EML5: variants seen among roughly 807,000 people sequenced by gnomAD.
EML5 encodes the protein echinoderm microtubule-associated protein-like 5.
In EML5, 120 loss-of-function variants were observed where a neutral mutation model predicts 250.0. The observed-to-expected ratio is 0.48, with a 90% CI of 0.41 to 0.56. EML5 has a LOEUF of 0.56. Ranked by LOEUF, EML5 falls within the 20% of genes least tolerant of loss-of-function variation. EML5 has a pLI of 0.00. For synonymous variants in EML5, 771 were observed against 806.5 expected, an observed-to-expected ratio of 0.96 and a Z score of 0.75; for missense variants, 2,006 against 2,437.6, an observed-to-expected ratio of 0.82 and a Z score of 3.73.
intron 41 of EML5, 105 bp downstream of exon 41, chr14:88,618,123 A>AC (rs950184203): frequency 2.0e-5 from 17 of 847,790 alleles, no homozygotes; most frequent in Non-Finnish European, 7.2e-6. Context: ...AAAACTTGAA[A>AC]CTCAATTACT....
At chr14:88,627,382 A>G (rs1393607284) in intron 34 of EML5, 1 of 478,068 alleles carries the variant, frequency 2.1e-6, no homozygotes, top group Admixed American at 3.8e-5. Flanking sequence ...TAATAAATAC[A>G]TAGTTTCTTG....
chr14:88,768,601 G>A (rs911364737), intron 1 of EML5, among the ~76,000 whole-genome samples: 3 of 151,996 alleles, frequency 2.0e-5, no homozygotes, highest in Admixed American at 1.3e-4. Flanking sequence ...TAGTACAGAC[G>A]GGGTTCCACC....
rs1273238299 is a variant in EML5 at position 88,702,428 on chromosome 14, T to C, written c.2238+18A>G. 3.2e-6 allele frequency: 5 copies of C among 1,583,460 alleles called. No homozygotes were observed. The highest frequency in any genetic ancestry group is 4.3e-6 in the Non-Finnish European group (5 of 1,165,990). On this transcript the variant is annotated intron_variant, in intron 14 of 43. Transcript: ENST00000554922. ...AAGGTGTAGCTTATCTGGCTTATTG[T>C]CAGTCTTTCAAACCTACCTGGCCTG... is the stretch of plus-strand genomic sequence containing the variant.
At chr14:88,745,539 T>C (rs1329001518) in intron 3 of EML5, among the ~76,000 whole-genome samples, 2 of 152,178 alleles carry the variant, frequency 1.3e-5, no homozygotes, top group African/African-American at 4.8e-5. Context: ...AATGTAATAG[T>C]AATACGTAAT....
chr14:88,685,006 T>G lies in EML5; in HGVS notation c.2982+9A>C. The G allele has an allele frequency of 1.3e-6, 2 of 1,591,492 alleles. No individual in the cohort carries two copies. Among genetic ancestry groups the G allele is most frequent in the Non-Finnish European group, 1.7e-6 (2 of 1,170,972 alleles). On this transcript the variant is annotated intron_variant, in intron 20 of 43. Coordinates refer to ENST00000554922, the MANE Select transcript of EML5 (RefSeq NM_183387.3). ...AAAGAAAAAAAAACAAATTAGCATTTAAAATTACCTGAACCAGAAGTGTTA... is the reference window on the plus strand; with the variant it reads ...AAAGAAAAAAAAACAAATTAGCATTGAAAATTACCTGAACCAGAAGTGTTA...
Position 88,717,756 on chromosome 14 carries a change from AAACAACAAC to A in EML5, c.1188-2570_1188-2562del, listed in dbSNP as rs147401940. Among the ~76,000 whole-genome samples, 22 of 150,892 alleles carry A rather than the reference AAACAACAAC, an allele frequency of 1.5e-4. No individual in the cohort carries two copies. In the South Asian group the frequency reaches 1.9e-3, roughly 13 times the overall value. ...GGTGACAGGGCGAGACTCCGTCTCAAAACAACAACAACAACAACAACAACAACAACAAAA... is the reference window on the plus strand; with the variant it reads ...GGTGACAGGGCGAGACTCCGTCTCAAAACAACAACAACAACAACAACAAAA... On this transcript the variant is annotated intron_variant, in intron 8 of 43. Coordinates refer to ENST00000554922, the MANE Select transcript of EML5 (RefSeq NM_183387.3).
rs1290306113 is a variant in EML5 at position 88,614,554 on chromosome 14, A to G, written c.*1264T>C. The G allele has an allele frequency of 6.6e-6, 1 of 152,234 alleles. No homozygotes were observed. The highest frequency in any genetic ancestry group is 2.4e-5 in the African/African-American group (1 of 41,464). The allele number at this position is 152,234 out of a possible 1,614,324, so 9.4% of individuals were successfully genotyped here. A position where few individuals can be genotyped will look rare whatever the true frequency, so the allele number is the denominator to read the frequency against. On this transcript the variant is annotated 3_prime_UTR_variant, in exon 44 of 44. Transcript: ENST00000554922. ...AGCGATCTATTATGCTATAAAGATA[A>G]TTAACACATTAAAAACTCATAGGGT...
At chr14:88,702,373 A>G in intron 14 of EML5, 73 bp downstream of exon 14, 2 of 1,144,504 alleles carry the variant, frequency 1.7e-6, no homozygotes, top group Non-Finnish European at 2.4e-6. Flanking sequence ...CATAAAAGAG[A>G]TATGTGATTA....
At chr14:88,724,544 C>T (rs923578252) in intron 8 of EML5, among the ~76,000 whole-genome samples, 1 of 151,164 alleles carries the variant, frequency 6.6e-6, no homozygotes, top group African/African-American at 2.4e-5. Flanking sequence ...CATTCAGTAA[C>T]TGAAAGGGCA....
At position 88,664,521 on chromosome 14, in the gene EML5, G is replaced by A. The variant is rs1307835710; in HGVS notation, c.3381C>T (p.Tyr1127=). 2.5e-6 allele frequency: 4 copies of A among 1,608,112 alleles called. No individual in the cohort carries two copies. Among genetic ancestry groups the A allele is most frequent in the Non-Finnish European group, 3.4e-6 (4 of 1,178,042 alleles). ...TAATATCCCAATCAATATGGGTTAT[G>A]TAACTGGTAGCTCCTTTGCATATTC... ...RVGICKGATS[Y]ITHIDWDIRG... is the part of the protein sequence containing the mutation. Residue 1127 remains tyrosine, a synonymous_variant, in exon 23 of 44, where the codon TAC becomes TAT. Transcript: ENST00000554922.
chr14:88,732,930 G>A (rs1321354006), intron 7 of EML5, among the ~76,000 whole-genome samples: 1 of 152,118 alleles, frequency 6.6e-6, no homozygotes, highest in Non-Finnish European at 1.5e-5. Flanking sequence ...ATTAAACACT[G>A]AATGGATTTG....
chr14:88,787,291 T>C (rs74859740), intron 1 of EML5, among the ~76,000 whole-genome samples: 2,335 of 152,320 alleles, frequency 0.015, 148 homozygotes, highest in Admixed American at 0.12. Flanking sequence ...TCATTGAGCA[T>C]CTGATTGTGT....
chr14:88,757,950 AAG>A (rs1276081297), intron 1 of EML5, among the ~76,000 whole-genome samples: 1 of 151,520 alleles, frequency 6.6e-6, no homozygotes, highest in Non-Finnish European at 1.5e-5. Flanking sequence ...TCCCATACTT[AAG>A]ACTCATCCTC....
At chr14:88,757,536 A>C (rs1220964249) in intron 1 of EML5, among the ~76,000 whole-genome samples, 1 of 152,192 alleles carries the variant, frequency 6.6e-6, no homozygotes, top group Non-Finnish European at 1.5e-5. Flanking sequence ...AATGCAACCC[A>C]GAGAATGGGA....
chr14:88,779,956 ATT>A (rs1057257486), intron 1 of EML5, among the ~76,000 whole-genome samples: 1 of 149,296 alleles, frequency 6.7e-6, no homozygotes, highest in African/African-American at 2.5e-5. Context: ...CTGAAAAAAA[ATT>A]TTTTTTTTTG....
At chr14:88,693,705 C>T (rs911033154) in intron 17 of EML5, among the ~76,000 whole-genome samples, 1 of 147,258 alleles carries the variant, frequency 6.8e-6, no homozygotes, top group Non-Finnish European at 1.5e-5. Context: ...AGAAAAGATG[C>T]AAAAGTGTTA....
intron 42 of EML5, 56 bp downstream of exon 42, chr14:88,616,670 G>T: frequency 1.3e-6 from 2 of 1,508,082 alleles, no homozygotes; most frequent in Non-Finnish European, 1.8e-6. Flanking sequence ...AAGTGCTGAT[G>T]ATAAGACATC....
At chr14:88,627,606 T>TTGTA in intron 34 of EML5, 40 bp downstream of exon 34, 1 of 1,553,140 alleles carries the variant, frequency 6.4e-7, no homozygotes. Context: ...ACCTTTGTAT[T>TTGTA]CTTGTTTTTT....
At chr14:88,763,757 A>G (rs888900060) in intron 1 of EML5, among the ~76,000 whole-genome samples, 6 of 152,216 alleles carry the variant, frequency 3.9e-5, no homozygotes, top group Non-Finnish European at 8.8e-5. Flanking sequence ...AAAATACTCA[A>G]TAAAATAGCA....
Sources: gnomAD v4.1 joint callset for allele counts (sites outside exome capture counted in the v4.1 genomes callset) on GRCh38, gnomAD v4.1.1 for gene constraint, MANE v1.5 for transcripts, NCBI Gene and HGNC (gene_info 2026-07-23, HGNC 2026-07-21) for gene names.